Variants in DMXL1 observed in about 807,000 individuals in gnomAD.
DMXL1 encodes the protein Dmx like 1.
In DMXL1, 99 loss-of-function variants were observed where a neutral mutation model predicts 319.2. The ratio of observed to expected loss-of-function variants is 0.31; its 90% CI spans 0.26 to 0.37. The LOEUF (loss-of-function observed/expected upper bound fraction) is 0.37. Among genes scored for constraint, DMXL1 ranks in the 10% least tolerant of loss-of-function variants. DMXL1 has a pLI of 1.00. For synonymous variants in DMXL1, 1,385 were observed against 1,235.2 expected, an observed-to-expected ratio of 1.12 and a Z score of -2.54; for missense variants, 3,745 against 3,595.6, an observed-to-expected ratio of 1.04 and a Z score of -1.06.
intron 33 of DMXL1, among the ~76,000 whole-genome samples, chr5:119,203,726 A>G (rs1272229695): frequency 2.0e-5 from 3 of 152,196 alleles, no homozygotes; most frequent in Non-Finnish European, 4.4e-5. Context: ...GAAATTTTCT[A>G]TGATTTTCAT....
chr5:119,233,268 A>T, intron 38 of DMXL1, 72 bp from the exon 39 acceptor site: 1 of 1,467,762 alleles, frequency 6.8e-7, no homozygotes, highest in East Asian at 2.3e-5. Context: ...AGATTTTCAC[A>T]TAGGATAAAG....
rs74361177 is a variant in DMXL1 at position 119,244,447 on chromosome 5, A to T, written c.8793A>T (p.Thr2931=). 3 of 1,614,028 alleles carry T rather than the reference A, an allele frequency of 1.9e-6. No homozygotes were observed. The highest frequency in any genetic ancestry group is 2.5e-6 in the Non-Finnish European group (3 of 1,180,030). ...LLISGGRKGF[T]YVFDLCQRQQ... Reference sequence around the variant, plus strand: ...TATCAGGTGGCAGAAAAGGTTTTACATATGTATTTGACCTTTGTCAACGAC... The same window carrying T: ...TATCAGGTGGCAGAAAAGGTTTTACTTATGTATTTGACCTTTGTCAACGAC... The change falls in exon 43 of 44, where the codon ACA becomes ACT. Residue 2931 remains threonine (T), a synonymous_variant. Transcript: ENST00000539542.
At chr5:119,139,905 A>G (rs1246925229) in intron 13 of DMXL1, among the ~76,000 whole-genome samples, 2 of 152,208 alleles carry the variant, frequency 1.3e-5, no homozygotes, top group African/African-American at 2.4e-5. Flanking sequence ...CAGAAGAACC[A>G]AAATCATACC....
chr5:119,227,681 G>A (rs1400002596), intron 38 of DMXL1, among the ~76,000 whole-genome samples: 3 of 152,112 alleles, frequency 2.0e-5, no homozygotes, highest in Admixed American at 6.6e-5. Context: ...CTGTCTGGGT[G>A]ATATCTGATT....
Position 119,170,722 on chromosome 5 carries a change from G to C in DMXL1, c.5931G>C (p.Glu1977Asp), listed in dbSNP as rs1261493297. 2 of 1,612,718 alleles carry C rather than the reference G, an allele frequency of 1.2e-6. No individual in the cohort carries two copies. The highest frequency in any genetic ancestry group is 2.7e-5 in the African/African-American group (2 of 74,532). ...KWDSDNDEEN[E>D]DVPISMKELK... is the part of the protein sequence containing the mutation. ...ACAGTGATAATGATGAAGAAAATGA[G>C]GATGTCCCTATTTCAATGAAAGAAC... The change falls in exon 24 of 44, where the codon GAG becomes GAC. Residue 1977 changes from glutamate (E) to aspartate (D), a missense_variant. Physicochemically the swap from Glu to Asp is conservative, Grantham distance 45. This residue lies in a region of DMXL1 where 1,382 missense variants were observed against 1,269.5 expected (regional missense o/e 1.09). Coordinates refer to ENST00000539542, the MANE Select transcript of DMXL1 (RefSeq NM_001290321.3).
intron 30 of DMXL1, among the ~76,000 whole-genome samples, chr5:119,194,385 G>T (rs1055305069): frequency 6.6e-5 from 10 of 152,100 alleles, no homozygotes; most frequent in African/African-American, 2.4e-4. Context: ...GATGTCAATA[G>T]GTACTATCTT....
intron 43 of DMXL1, among the ~76,000 whole-genome samples, chr5:119,245,541 C>CTTTTTT (rs1189893917): frequency 7.5e-6 from 1 of 133,830 alleles, no homozygotes; most frequent in Non-Finnish European, 1.6e-5. Context: ...TAAGTCGGTT[C>CTTTTTT]TTTTTTTTTT....
At chr5:119,245,447 A>G (rs1016994583) in intron 43 of DMXL1, among the ~76,000 whole-genome samples, 1 of 151,994 alleles carries the variant, frequency 6.6e-6, no homozygotes, top group South Asian at 2.1e-4. Flanking sequence ...AATCAAATAT[A>G]TATATACCAA....
chr5:119,156,132 T>G (rs1277618347), intron 19 of DMXL1, among the ~76,000 whole-genome samples: 1 of 152,170 alleles, frequency 6.6e-6, no homozygotes, highest in Non-Finnish European at 1.5e-5. Flanking sequence ...TTGCCTTATT[T>G]TAAGAAATTG....
chr5:119,073,672 G>A (rs1034328724), intron 1 of DMXL1, among the ~76,000 whole-genome samples: 5 of 152,092 alleles, frequency 3.3e-5, no homozygotes, highest in Admixed American at 1.3e-4. Flanking sequence ...GAAGCATTCA[G>A]TAAATAAACT....
At chr5:119,138,878 A>C (rs1766633323) in intron 13 of DMXL1, 1 of 152,236 alleles carries the variant, frequency 6.6e-6, no homozygotes, top group African/African-American at 2.4e-5. Context: ...TCAGCAGCAC[A>C]TAAACTGAAA....
intron 13 of DMXL1, among the ~76,000 whole-genome samples, chr5:119,136,976 T>C (rs996695015): frequency 1.3e-5 from 2 of 152,170 alleles, no homozygotes; most frequent in African/African-American, 4.8e-5. Flanking sequence ...AGGACCACCA[T>C]CATCCTCCAG....
chr5:119,084,471 GT>G (rs1752895161), intron 1 of DMXL1, among the ~76,000 whole-genome samples: 2 of 152,140 alleles, frequency 1.3e-5, no homozygotes, highest in Admixed American at 6.5e-5. Context: ...TATTTGGGGT[GT>G]TTGTGGCTCC....
chr5:119,122,587 G>A lies in DMXL1; in HGVS notation c.1102+1448G>A, dbSNP rs561842365. On this transcript the variant is annotated intron_variant, in intron 9 of 43. Transcript: ENST00000539542. Reference sequence around the variant, plus strand: ...CGGAGGGGCTCCTCACTTCTCTGACGGGTCGGTTGCCAGGCAGAGGGTCTC... The same window carrying A: ...CGGAGGGGCTCCTCACTTCTCTGACAGGTCGGTTGCCAGGCAGAGGGTCTC... Among the ~76,000 whole-genome samples, 804 of 151,338 alleles carry A rather than the reference G, an allele frequency of 5.3e-3. 6 individuals are homozygous for A. The highest frequency in any genetic ancestry group is 0.019 in the African/African-American group (774 of 41,274).
intron 38 of DMXL1, among the ~76,000 whole-genome samples, chr5:119,225,076 T>A (rs1785293224): frequency 6.6e-6 from 1 of 152,020 alleles, no homozygotes; most frequent in African/African-American, 2.4e-5. Context: ...ACATTTTATC[T>A]TTGAACATTT....
At chr5:119,209,291 A>G (rs1782314931) in intron 34 of DMXL1, among the ~76,000 whole-genome samples, 1 of 152,100 alleles carries the variant, frequency 6.6e-6, no homozygotes, top group Admixed American at 6.5e-5. Flanking sequence ...AATATTTTCC[A>G]AGGTGGTTGT....
intron 28 of DMXL1, among the ~76,000 whole-genome samples, chr5:119,185,375 A>G (rs1274463953): frequency 6.6e-6 from 1 of 152,096 alleles, no homozygotes; most frequent in Admixed American, 6.6e-5. Context: ...TAAGATATTT[A>G]TTATTTCATT....
intron 9 of DMXL1, among the ~76,000 whole-genome samples, chr5:119,123,105 G>A (rs970568307): frequency 9.9e-5 from 15 of 152,206 alleles, no homozygotes; most frequent in South Asian, 6.2e-4. Flanking sequence ...GCTGGAGACC[G>A]GCCCGGCCAA....
intron 1 of DMXL1, among the ~76,000 whole-genome samples, chr5:119,085,380 T>A (rs1347672213): frequency 2.0e-5 from 3 of 151,258 alleles, no homozygotes; most frequent in Non-Finnish European, 4.4e-5. Flanking sequence ...TAATAATAAT[T>A]AATTCTGGAT....
Sources: allele counts gnomAD v4.1 joint callset (sites outside exome capture counted in the v4.1 genomes callset), GRCh38; gene constraint gnomAD v4.1.1; regional missense constraint gnomAD v4.1.1; transcripts MANE v1.5; gene names NCBI Gene and HGNC (gene_info 2026-07-23, HGNC 2026-07-21).